ELMO1: variants seen among roughly 807,000 people sequenced by gnomAD.
ELMO1 encodes engulfment and cell motility 1.
Under a neutral mutation model 98.9 loss-of-function variants are expected in ELMO1, and 26 were observed. The observed-to-expected ratio is 0.26, with a 90% confidence interval of 0.19 to 0.36. The LOEUF (loss-of-function observed/expected upper bound fraction) is 0.36. Among genes scored for constraint, ELMO1 ranks in the 10% least tolerant of loss-of-function variants. The pLI, the probability that ELMO1 is intolerant of heterozygous loss-of-function variation, is 1.00. For synonymous variants in ELMO1, 346 were observed against 346.0 expected (o/e 1.00, Z 0.00); for missense variants, 627 against 935.2 (o/e 0.67, Z 4.30).
intron 1 of ELMO1, among the ~76,000 whole-genome samples, chr7:37,428,108 T>G (rs1583746118): frequency 2.6e-5 from 4 of 151,966 alleles, no homozygotes; most frequent in African/African-American, 9.7e-5. Context: ...CTGGTTTCAT[T>G]TGAAAGGAAT....
chr7:37,201,874 AAG>A (rs1036463710), intron 13 of ELMO1, among the ~76,000 whole-genome samples: 3 of 152,216 alleles, frequency 2.0e-5, no homozygotes, highest in African/African-American at 4.8e-5. Context: ...CAGATAGGAA[AAG>A]AGAGAGTCCG....
At chr7:37,336,644 T>C (rs1185180181) in intron 2 of ELMO1, among the ~76,000 whole-genome samples, 2 of 151,906 alleles carry the variant, frequency 1.3e-5, no homozygotes, top group Non-Finnish European at 2.9e-5. Flanking sequence ...TCTCAGGCAC[T>C]GAAGCTAGAG....
chr7:36,951,378 G>A (rs1295712192), intron 16 of ELMO1, among the ~76,000 whole-genome samples: 1 of 152,236 alleles, frequency 6.6e-6, no homozygotes, highest in African/African-American at 2.4e-5. Flanking sequence ...CTTGGTTTCA[G>A]TTCCTCAAAA....
chr7:36,914,948 CA>C (rs2129069393), intron 16 of ELMO1, among the ~76,000 whole-genome samples: 1 of 152,244 alleles, frequency 6.6e-6, no homozygotes, highest in Admixed American at 6.5e-5. Context: ...TTTCATTTAG[CA>C]AAGCAGTTTT....
intron 13 of ELMO1, among the ~76,000 whole-genome samples, chr7:37,158,326 G>A (rs1407245513): frequency 6.6e-6 from 1 of 152,182 alleles, no homozygotes; most frequent in African/African-American, 2.4e-5. Flanking sequence ...TTAAACTAAA[G>A]AGCTTCTGCA....
chr7:37,314,975 T>G, intron 3 of ELMO1, 53 bp from the exon 4 acceptor site: 1 of 1,526,886 alleles, frequency 6.5e-7, no homozygotes, highest in Non-Finnish European at 9.0e-7. Context: ...CCATTTTCAT[T>G]TTTACAATTT....
chr7:37,259,175 G>A lies in ELMO1; in HGVS notation c.413+6C>T, dbSNP rs781621990. The A allele has an allele frequency of 1.1e-5, 17 of 1,608,152 alleles. No homozygotes were observed. Among genetic ancestry groups the A allele is most frequent in the East Asian group, 6.7e-5 (3 of 44,782 alleles). On this transcript the variant is annotated splice_donor_region_variant and intron_variant, in intron 6 of 21. Coordinates refer to ENST00000310758, the MANE Select transcript of ELMO1 (RefSeq NM_014800.11). Reference sequence around the variant, plus strand: ...AGCTGTGGAAGTTAGGAAAAAAGACGCTTACTCAGTGCCGCTCTCCACCAT... The same window carrying A: ...AGCTGTGGAAGTTAGGAAAAAAGACACTTACTCAGTGCCGCTCTCCACCAT...
chr7:37,249,519 T>C (rs1795202198), intron 6 of ELMO1, among the ~76,000 whole-genome samples: 1 of 152,116 alleles, frequency 6.6e-6, no homozygotes, highest in South Asian at 2.1e-4. Context: ...ACTTATAAAT[T>C]CCCCAGATTA....
chr7:36,853,949 G>A lies in ELMO1; in HGVS notation c.*1602C>T, dbSNP rs1802019861. 6.6e-6 allele frequency among the ~76,000 whole-genome samples: 1 copy of A among 152,134 alleles called. No individual in the cohort carries two copies. Among genetic ancestry groups the A allele is most frequent in the Non-Finnish European group, 1.5e-5 (1 of 68,024 alleles). ...AGTTCTGGCTTATTTCAGGTCTGTG[G>A]GTATGCATTCTTTTCATTGCTAAAT... On this transcript the variant is annotated 3_prime_UTR_variant, in exon 22 of 22. Transcript: ENST00000310758.
intron 13 of ELMO1, among the ~76,000 whole-genome samples, chr7:37,166,632 A>G (rs1789713120): frequency 6.6e-6 from 1 of 152,088 alleles, no homozygotes; most frequent in Admixed American, 6.5e-5. Flanking sequence ...TTCAGTTTCC[A>G]TGTAGTTGAG....
chr7:37,179,881 T>A (rs1316691546), intron 13 of ELMO1, among the ~76,000 whole-genome samples: 1 of 152,164 alleles, frequency 6.6e-6, no homozygotes, highest in Admixed American at 6.5e-5. Context: ...GAAGAATTCA[T>A]CCTTCTAGGC....
intron 13 of ELMO1, among the ~76,000 whole-genome samples, chr7:37,188,487 T>TAAAAAAA (rs869157346): frequency 0.015 from 464 of 31,914 alleles, 13 homozygotes; most frequent in East Asian, 0.061. Context: ...TGGAGAAAGG[T>TAAAAAAA]AAAAAAAAAA....
intron 1 of ELMO1, among the ~76,000 whole-genome samples, chr7:37,351,460 C>T (rs902037697): frequency 2.0e-5 from 3 of 152,120 alleles, no homozygotes; most frequent in African/African-American, 7.2e-5. Flanking sequence ...CATGCTCCCT[C>T]CATGGGGAAA....
chr7:37,161,249 A>G (rs1404396892), intron 13 of ELMO1, among the ~76,000 whole-genome samples: 1 of 152,000 alleles, frequency 6.6e-6, no homozygotes, highest in Non-Finnish European at 1.5e-5. Context: ...ACTGACCTTG[A>G]GCTCTTACTA....
chr7:37,306,532 AT>A (rs1463286874), intron 4 of ELMO1, among the ~76,000 whole-genome samples: 1 of 152,188 alleles, frequency 6.6e-6, no homozygotes, highest in African/African-American at 2.4e-5. Context: ...TCATGCAGGA[AT>A]AGTGGAAAGA....
At chr7:37,389,338 T>C (rs1250524215) in intron 1 of ELMO1, among the ~76,000 whole-genome samples, 1 of 152,236 alleles carries the variant, frequency 6.6e-6, no homozygotes, top group Non-Finnish European at 1.5e-5. Context: ...AACAGCCACA[T>C]AAAACCTTTC....
chr7:37,225,179 C>A, intron 8 of ELMO1, 149 bp from the exon 9 acceptor site: 7 of 816,486 alleles, frequency 8.6e-6, no homozygotes, highest in Non-Finnish European at 1.3e-5. Context: ...GCAAGAAACC[C>A]ATTGAACTAG....
intron 14 of ELMO1, among the ~76,000 whole-genome samples, chr7:37,117,378 G>A (rs972789014): frequency 6.6e-6 from 1 of 152,098 alleles, no homozygotes; most frequent in South Asian, 2.1e-4. Context: ...GAGCATCCGA[G>A]GTGGTGTGAG....
In ELMO1 at chr7:37,283,763, T is replaced by C. The variant is rs1584915862; in HGVS notation, c.193-11881A>G. 2.0e-5 allele frequency among the ~76,000 whole-genome samples: 3 copies of C among 152,358 alleles called. No homozygotes were observed. In the East Asian group the frequency reaches 5.8e-4, roughly 29 times the overall value. ...TCAAAGCAGCTCTGCCTATCCAAGCTTCTGGCAACAGAGACACGTCTATAG... is the reference window on the plus strand; with the variant it reads ...TCAAAGCAGCTCTGCCTATCCAAGCCTCTGGCAACAGAGACACGTCTATAG... On this transcript the variant is annotated intron_variant, in intron 4 of 21. Transcript: ENST00000310758.
Sources: allele counts gnomAD v4.1 joint callset (sites outside exome capture counted in the v4.1 genomes callset), GRCh38; gene constraint gnomAD v4.1.1; transcripts MANE v1.5; gene names NCBI Gene and HGNC (gene_info 2026-07-23, HGNC 2026-07-21).